NDST4: variants seen among roughly 807,000 people sequenced by gnomAD.
NDST4 encodes the protein N-heparan sulfate sulfotransferase 4.
Under a neutral mutation model 100.8 loss-of-function variants are expected in NDST4, and 63 were observed. The observed-to-expected ratio is 0.62, with a 90% CI of 0.51 to 0.77. The LOEUF is 0.77. Ranked by LOEUF, NDST4 falls within the 30% of genes least tolerant of loss-of-function variation. The pLI is 0.00. For synonymous variants in NDST4, 377 were observed against 361.8 expected (o/e 1.04, Z -0.48); for missense variants, 943 against 1,018.4 (o/e 0.93, Z 1.01).
intron 6 of NDST4, among the ~76,000 whole-genome samples, chr4:114,924,414 C>T (rs1252888685): frequency 6.7e-6 from 1 of 150,204 alleles, no homozygotes; most frequent in African/African-American, 2.5e-5. Flanking sequence ...AAAGGTTAGT[C>T]CTGCAAATCT....
intron 1 of NDST4, among the ~76,000 whole-genome samples, chr4:115,088,178 A>C (rs1729444870): frequency 6.6e-6 from 1 of 151,974 alleles, no homozygotes; most frequent in Non-Finnish European, 1.5e-5. Context: ...CAAAAAAAAC[A>C]GAAAGTGAAG....
chr4:114,858,437 T>C (rs1382872216), intron 7 of NDST4, among the ~76,000 whole-genome samples: 3 of 152,156 alleles, frequency 2.0e-5, no homozygotes, highest in African/African-American at 7.2e-5. Context: ...GCAGTAGGCA[T>C]ATGGCCCTGA....
rs547409700 is a variant in NDST4, at chr4:115,109,628, C to T, written c.-247+3816G>A. On this transcript the variant is annotated intron_variant, in intron 1 of 13. Transcript: ENST00000264363. The stretch of plus-strand genomic sequence containing the variant: ...TGAGTACAATATCAAATTATATTCT[C>T]AAGCATTCAGACATAGTTTTAACCC... Among the ~76,000 whole-genome samples the T allele has an allele frequency of 4.8e-4, 73 of 152,008 alleles. 2 individuals are homozygous for T. The highest frequency in any genetic ancestry group is 1.7e-3 in the South Asian group (8 of 4,832).
In NDST4 at chr4:114,986,549, C is replaced by T. The variant is rs113929165; in HGVS notation, c.979-9275G>A. 7.4e-3 allele frequency among the ~76,000 whole-genome samples: 1,119 copies of T among 151,930 alleles called. 23 individuals are homozygous for T. The highest frequency in any genetic ancestry group is 0.025 in the African/African-American group (1,038 of 41,456). ...GAAATACTGTTCAGTTCTTATAAGT[C>T]CTAATCTCTCTTTCAATTGTATCTT... On this transcript the variant is annotated intron_variant, in intron 2 of 13. Coordinates refer to ENST00000264363, the MANE Select transcript of NDST4 (RefSeq NM_022569.3).
intron 2 of NDST4, among the ~76,000 whole-genome samples, chr4:115,005,448 G>T (rs1485455616): frequency 6.6e-6 from 1 of 152,136 alleles, no homozygotes; most frequent in African/African-American, 2.4e-5. Context: ...GGCAGAAGTG[G>T]CAAGCAACAC....
chr4:115,088,393 A>G (rs1340889975), intron 1 of NDST4, among the ~76,000 whole-genome samples: 1 of 151,226 alleles, frequency 6.6e-6, no homozygotes, highest in East Asian at 1.9e-4. Flanking sequence ...AAAAACTGGT[A>G]TAATGCTTTG....
Position 114,860,185 on chromosome 4 carries a change from C to T in NDST4, c.1720-7364G>A, listed in dbSNP as rs186425454. On this transcript the variant is annotated intron_variant, in intron 7 of 13. Coordinates refer to ENST00000264363, the MANE Select transcript of NDST4 (RefSeq NM_022569.3). Reference sequence around the variant, plus strand: ...TAATTAGAAGCCAGTAAACAACATTCCTTATTTAATTCACATAACTGAAAT... The same window carrying T: ...TAATTAGAAGCCAGTAAACAACATTTCTTATTTAATTCACATAACTGAAAT... Among the ~76,000 whole-genome samples, 20 of 152,284 alleles carry T rather than the reference C, an allele frequency of 1.3e-4. No individual in the cohort carries two copies. In the East Asian group the frequency reaches 3.7e-3, roughly 28 times the overall value.
At chr4:114,857,151 G>T (rs565588359) in intron 7 of NDST4, among the ~76,000 whole-genome samples, 1 of 152,248 alleles carries the variant, frequency 6.6e-6, no homozygotes, top group South Asian at 2.1e-4. Context: ...GCAAGTACTT[G>T]AAAAGAATCA....
chr4:114,926,250 C>T (rs905017306), intron 6 of NDST4, among the ~76,000 whole-genome samples: 10 of 152,078 alleles, frequency 6.6e-5, no homozygotes, highest in Admixed American at 2.0e-4. Flanking sequence ...AGACAGATGT[C>T]GAAGTATGCT....
chr4:115,033,131 GTATATA>G lies in NDST4; in HGVS notation c.978+42922_978+42927del, dbSNP rs60019799. Reference sequence around the variant, plus strand: ...GAATGCAAAAATTATATATATATGTGTATATATATATATATATATATATATATTTTT... The same window carrying G: ...GAATGCAAAAATTATATATATATGTGTATATATATATATATATATATTTTT... On this transcript the variant is annotated intron_variant, in intron 2 of 13. Coordinates refer to ENST00000264363, the MANE Select transcript of NDST4 (RefSeq NM_022569.3). 6.9e-4 allele frequency among the ~76,000 whole-genome samples: 74 copies of G among 107,852 alleles called. 1 individual carries two copies. The highest frequency in any genetic ancestry group is 5.1e-3 in the East Asian group (20 of 3,920). The allele number at this position is 107,852 out of a possible 152,430, so 70.8% of individuals were successfully genotyped here. A position where few individuals can be genotyped will look rare whatever the true frequency, so the allele number is the denominator to read the frequency against.
chr4:114,961,701 A>G (rs1726267130), intron 4 of NDST4, among the ~76,000 whole-genome samples: 1 of 151,696 alleles, frequency 6.6e-6, no homozygotes, highest in Non-Finnish European at 1.5e-5. Context: ...GTAAATTAAA[A>G]ACTTCACACA....
intron 1 of NDST4, among the ~76,000 whole-genome samples, chr4:115,081,622 A>C (rs1208789189): frequency 5.3e-5 from 8 of 152,224 alleles, no homozygotes; most frequent in Non-Finnish European, 1.2e-4. Flanking sequence ...AAATTAAAAA[A>C]ATTACTTCAG....
At chr4:114,858,065 G>A (rs933817829) in intron 7 of NDST4, among the ~76,000 whole-genome samples, 2 of 152,184 alleles carry the variant, frequency 1.3e-5, no homozygotes, top group African/African-American at 2.4e-5. Context: ...CATGAATAGA[G>A]TAACCATGGC....
rs1247165750 is a variant in NDST4, at chr4:115,075,783, A to AG, written c.978+275dup. On this transcript the variant is annotated intron_variant, in intron 2 of 13. Transcript: ENST00000264363. ...TGGGCGACAGAGCAAGAGTCTGTTC[A>AG]GAAAAAAAAAAAAAAAAAAAGGCAA... Among the ~76,000 whole-genome samples, 15 of 135,992 alleles carry AG rather than the reference A, an allele frequency of 1.1e-4. No individual in the cohort carries two copies. The East Asian group carries it at 3.5e-3, about 32-fold the overall frequency. The allele number at this position is 135,992 out of a possible 152,430, so 89.2% of individuals were successfully genotyped here.
chr4:114,911,998 AAT>A (rs1725073124), intron 6 of NDST4, among the ~76,000 whole-genome samples: 1 of 152,286 alleles, frequency 6.6e-6, no homozygotes, highest in African/African-American at 2.4e-5. Flanking sequence ...AGTCTAATAC[AAT>A]ATGTTGGTAA....
chr4:114,916,557 T>TGC (rs1328462757), intron 6 of NDST4, among the ~76,000 whole-genome samples: 12 of 149,028 alleles, frequency 8.1e-5, no homozygotes, highest in Admixed American at 2.0e-4. Flanking sequence ...TGTGTGTGTG[T>TGC]GTGTGTGTGT....
intron 2 of NDST4, among the ~76,000 whole-genome samples, chr4:115,058,035 A>T (rs188785455): frequency 2.0e-5 from 3 of 152,294 alleles, no homozygotes; most frequent in Admixed American, 2.0e-4. Context: ...CAACATAGAA[A>T]ATGCAAAATG....
chr4:114,903,542 G>T (rs2126211233), intron 6 of NDST4, among the ~76,000 whole-genome samples: 1 of 152,058 alleles, frequency 6.6e-6, no homozygotes, highest in South Asian at 2.1e-4. Flanking sequence ...GGAGGTTTCT[G>T]TTCCAGTAAG....
intron 4 of NDST4, among the ~76,000 whole-genome samples, chr4:114,961,351 G>C (rs528907853): frequency 9.2e-5 from 14 of 151,772 alleles, no homozygotes; most frequent in African/African-American, 2.9e-4. Context: ...ATAAAGATTA[G>C]AACAGAAATT....
Sources: allele counts gnomAD v4.1 joint callset (sites outside exome capture counted in the v4.1 genomes callset), GRCh38; gene constraint gnomAD v4.1.1; transcripts MANE v1.5; gene names NCBI Gene and HGNC (gene_info 2026-07-23, HGNC 2026-07-21).